Variants in NSD3 observed in about 807,000 individuals in gnomAD.
NSD3 encodes the protein nuclear receptor binding SET domain protein 3.
NSD3 carries 24 observed loss-of-function variants against 160.8 expected under a neutral mutation model. The ratio of observed to expected loss-of-function variants is 0.15; its 90% CI spans 0.11 to 0.21. NSD3 has a LOEUF of 0.21. Ranked by LOEUF, NSD3 falls within the 10% of genes least tolerant of loss-of-function variation. The pLI is 1.00. For synonymous variants in NSD3, 520 were observed against 600.0 expected (o/e 0.87, Z 1.95); for missense variants, 1,157 against 1,735.9 (o/e 0.67, Z 5.93).
At chr8:38,373,528 TTTC>T (rs1217520718) in intron 1 of NSD3, among the ~76,000 whole-genome samples, 2 of 152,218 alleles carry the variant, frequency 1.3e-5, no homozygotes, top group African/African-American at 2.4e-5. Flanking sequence ...TACATATAGC[TTTC>T]TTAAGCCTCC....
rs1389238099 is a variant in NSD3, at chr8:38,279,688, A to T, written c.3619-7T>A. On this transcript the variant is annotated splice_polypyrimidine_tract_variant and splice_region_variant and intron_variant, in intron 20 of 23. Coordinates refer to ENST00000317025, the MANE Select transcript of NSD3 (RefSeq NM_023034.2). ...CGGCATCAATTATACGGTCCTTCAG[A>T]AAGAAAAGAAAAGTACCTTTTACAT... 2 of 1,608,686 alleles carry T rather than the reference A, an allele frequency of 1.2e-6. No homozygotes were observed. The highest frequency in any genetic ancestry group is 3.3e-5 in the Admixed American group (2 of 59,798).
At chr8:38,276,770 G>A (rs1808610561) in intron 22 of NSD3, 4 of 433,050 alleles carry the variant, frequency 9.2e-6, no homozygotes, top group South Asian at 2.4e-5. Flanking sequence ...CTGCAGCCTC[G>A]ACCTCCTGGG....
intron 1 of NSD3, among the ~76,000 whole-genome samples, chr8:38,369,857 C>T (rs570589776): frequency 1.3e-5 from 2 of 151,984 alleles, no homozygotes; most frequent in African/African-American, 2.4e-5. Flanking sequence ...TGCAGTGGCA[C>T]GATCTCAGCT....
In NSD3 at chr8:38,319,032, A is replaced by G. The variant is rs762828344; in HGVS notation, c.1810-92T>C. The G allele has an allele frequency of 7.4e-6, 8 of 1,077,586 alleles. No homozygotes were observed. The highest frequency in any genetic ancestry group is 1.1e-5 in the Non-Finnish European group (8 of 725,970). The allele number at this position is 1,077,586 out of a possible 1,614,324, so 66.8% of individuals were successfully genotyped here. ...AAAGATACTTTCATCAATCTAAGCA[A>G]TGATGAGTGATTAATGTATCTGAAA... On this transcript the variant is annotated intron_variant, in intron 8 of 23. Coordinates refer to ENST00000317025, the MANE Select transcript of NSD3 (RefSeq NM_023034.2). This position sits in a 1 kb window ranked among gnomAD's most constrained non-coding sequence, Gnocchi z 4.1.
intron 1 of NSD3, among the ~76,000 whole-genome samples, chr8:38,374,962 C>T (rs935403475): frequency 6.6e-6 from 1 of 152,166 alleles, no homozygotes; most frequent in African/African-American, 2.4e-5. Context: ...CGAGATCGCG[C>T]CCCTGCACTC....
chr8:38,354,728 C>T (rs755294623), intron 1 of NSD3, among the ~76,000 whole-genome samples: 22 of 150,300 alleles, frequency 1.5e-4, no homozygotes, highest in African/African-American at 3.9e-4. Context: ...CTGAAAAGTT[C>T]GGGGAAAAAA....
At chr8:38,355,056 G>A (rs890572089) in intron 1 of NSD3, among the ~76,000 whole-genome samples, 6 of 152,076 alleles carry the variant, frequency 3.9e-5, no homozygotes, top group Admixed American at 6.6e-5. Flanking sequence ...CAGCCTTCAC[G>A]CAGCAGACAC....
At position 38,315,522 on chromosome 8, in the gene NSD3, T is replaced by C. The variant is rs1809638752; in HGVS notation, c.2009A>G (p.Asp670Gly). ...TGCATCTGCAGTAGCTGAAGGGCTA[T>C]CTACTTGCTTTCCAAAGCCTACCTA... ...DLQVGFGKQVDSPSATADADV... is the reference protein window; with the variant it reads ...DLQVGFGKQVGSPSATADADV... Residue 670 changes from aspartate (D) to glycine (G), a missense_variant, in exon 11 of 24, where the codon GAT becomes GGT. Asp to Gly is a moderately conservative substitution (Grantham distance 94). Coordinates refer to ENST00000317025, the MANE Select transcript of NSD3 (RefSeq NM_023034.2). 2 of 1,613,538 alleles carry C rather than the reference T, an allele frequency of 1.2e-6. No individual in the cohort carries two copies. The highest frequency in any genetic ancestry group is 1.3e-5 in the African/African-American group (1 of 74,934).
chr8:38,299,380 T>C (rs1008495786), intron 15 of NSD3, 64 bp downstream of exon 15: 3 of 1,538,194 alleles, frequency 2.0e-6, no homozygotes, highest in African/African-American at 1.4e-5. Context: ...TTCCCCCCTA[T>C]ATTGAAAGAG....
rs1585842523 is a variant in NSD3, at chr8:38,270,856, C to T, written c.*4785G>A. On this transcript the variant is annotated 3_prime_UTR_variant, in exon 24 of 24. Coordinates refer to ENST00000317025, the MANE Select transcript of NSD3 (RefSeq NM_023034.2). ...ACAGGCAATTCTCATCCCCCTCCCG[C>T]TTCATACATACGTGCCACAAGCACC... 6.6e-6 allele frequency: 1 copy of T among 152,218 alleles called. No individual in the cohort carries two copies. The allele number at this position is 152,218 out of a possible 1,614,324, so 9.4% of individuals were successfully genotyped here.
At position 38,319,199 on chromosome 8, in the gene NSD3, G is replaced by T; in HGVS notation, c.1810-259C>A. The stretch of plus-strand genomic sequence containing the variant: ...CAAAGACTTTTCCCACCATTCCCTT[G>T]GTATATGAAGAGAACAAGAATACTT... On this transcript the variant is annotated intron_variant, in intron 8 of 23. Transcript: ENST00000317025. This position sits in a 1 kb window ranked among gnomAD's most constrained non-coding sequence, Gnocchi z 4.1. The T allele has an allele frequency of 2.6e-6, 1 of 382,308 alleles. No individual in the cohort carries two copies. 23.7% of individuals were successfully genotyped at this position (382,308 alleles called of 1,614,324 possible).
At chr8:38,373,436 T>G (rs1563372324) in intron 1 of NSD3, among the ~76,000 whole-genome samples, 1 of 152,146 alleles carries the variant, frequency 6.6e-6, no homozygotes, top group African/African-American at 2.4e-5. Flanking sequence ...CATTCAAGTT[T>G]TATATGCTTT....
Position 38,326,712 on chromosome 8 carries a change from C to CT in NSD3, c.1708+17dup. 1 of 1,610,840 alleles carries CT rather than the reference C, an allele frequency of 6.2e-7. No individual in the cohort carries two copies. The highest frequency in any genetic ancestry group is 8.5e-7 in the Non-Finnish European group (1 of 1,178,680). ...ATTTCTCAAAATGGACCTATATATA[C>CT]TTTTCATTCATACCAACCTGTAGAA... On this transcript the variant is annotated intron_variant, in intron 7 of 23. Transcript: ENST00000317025.
At position 38,299,723 on chromosome 8, in the gene NSD3, AAAAG is replaced by A. The variant is rs1174749800; in HGVS notation, c.2612-137_2612-134del. On this transcript the variant is annotated intron_variant, in intron 14 of 23. Coordinates refer to ENST00000317025, the MANE Select transcript of NSD3 (RefSeq NM_023034.2). ...AGGGCGAAAATGAGAATATGAAGAA[AAAAG>A]AAAGATCTGACAGAAAGGTTTTCTA... 4.9e-5 allele frequency: 42 copies of A among 849,894 alleles called. No individual in the cohort carries two copies. In the South Asian group the frequency reaches 1.6e-3, roughly 32 times the overall value. 52.6% of individuals were successfully genotyped at this position (849,894 alleles called of 1,614,324 possible).
Position 38,273,974 on chromosome 8 carries a change from T to A in NSD3, c.*1667A>T, listed in dbSNP as rs1808543501. 1 of 152,164 alleles carries A rather than the reference T, an allele frequency of 6.6e-6. No homozygotes were observed. Among genetic ancestry groups the A allele is most frequent in the Non-Finnish European group, 1.5e-5 (1 of 68,022 alleles). The allele number at this position is 152,164 out of a possible 1,614,324, so 9.4% of individuals were successfully genotyped here. A position where few individuals can be genotyped will look rare whatever the true frequency, so the allele number is the denominator to read the frequency against. ...AAAAAAAAGAGGCACAAAACAGATT[T>A]TCACCCTCTTTCCATAGAAGAGCTC... On this transcript the variant is annotated 3_prime_UTR_variant, in exon 24 of 24. Coordinates refer to ENST00000317025, the MANE Select transcript of NSD3 (RefSeq NM_023034.2).
At chr8:38,326,202 T>A (rs1322010236) in intron 7 of NSD3, among the ~76,000 whole-genome samples, 1 of 152,084 alleles carries the variant, frequency 6.6e-6, no homozygotes, top group Non-Finnish European at 1.5e-5. Flanking sequence ...ATACAGTCAC[T>A]TCTCCTTTAA....
chr8:38,358,131 G>C (rs1810869772), intron 1 of NSD3, among the ~76,000 whole-genome samples: 1 of 152,116 alleles, frequency 6.6e-6, no homozygotes, highest in South Asian at 2.1e-4. Context: ...AATTCAGAAT[G>C]TAGAAGCTCT....
intron 4 of NSD3, 95 bp downstream of exon 4, chr8:38,337,210 T>C: frequency 9.0e-7 from 1 of 1,111,284 alleles, no homozygotes. Context: ...TATCAGATTA[T>C]ATATTACGTG....
Position 38,288,653 on chromosome 8 carries a change from G to A in NSD3, c.3335C>T (p.Ser1112Leu). 6.2e-7 allele frequency: 1 copy of A among 1,614,210 alleles called. No individual in the cohort carries two copies. The highest frequency in any genetic ancestry group is 1.3e-5 in the African/African-American group (1 of 75,046). The change falls in exon 19 of 24, where the codon TCG (serine) becomes TTG (leucine). Residue 1112 changes from serine to leucine, a missense_variant. This residue lies in a region of NSD3 where 222 missense variants were observed against 409.9 expected (regional missense o/e 0.54). Transcript: ENST00000317025. The surrounding 1 kb of genome is among the most constrained non-coding windows in gnomAD (Gnocchi z 4.5). ...PADENPCGLE[S>L]ECLNRMLQYE... Reference sequence around the variant, plus strand: ...CTGCAACATTCTGTTCAGGCACTCCGATTCCAAGCCACAAGGGTTTTCATC... The same window carrying A: ...CTGCAACATTCTGTTCAGGCACTCCAATTCCAAGCCACAAGGGTTTTCATC...
Sources: allele counts gnomAD v4.1 joint callset (sites outside exome capture counted in the v4.1 genomes callset), GRCh38; gene constraint gnomAD v4.1.1; regional missense constraint gnomAD v4.1.1; non-coding constraint Gnocchi (gnomAD v3.1); transcripts MANE v1.5; gene names NCBI Gene and HGNC (gene_info 2026-07-23, HGNC 2026-07-21).